The following TRAPPC9 variants were observed in gnomAD, a reference collection of about 807,000 sequenced individuals.
TRAPPC9 encodes trafficking protein particle complex subunit 9.
Under a neutral mutation model 124.0 loss-of-function variants are expected in TRAPPC9, and 83 were observed. The observed-to-expected ratio is 0.67, with a 90% CI of 0.56 to 0.80. The LOEUF (loss-of-function observed/expected upper bound fraction) is 0.80, where lower values mean the gene tolerates loss of function less well. Among genes scored for constraint, TRAPPC9 ranks in the 30% least tolerant of loss-of-function variants. The pLI is 0.00. For synonymous variants in TRAPPC9, 638 were observed against 617.5 expected, an observed-to-expected ratio of 1.03 and a Z score of -0.49; for missense variants, 1,302 against 1,508.3, an observed-to-expected ratio of 0.86 and a Z score of 2.27.
chr8:140,369,345 C>T lies in TRAPPC9; in HGVS notation c.1351+1619G>A, dbSNP rs542828351. Reference sequence around the variant, plus strand: ...CCGGGAAGCTGTCACATGTGAGAGGCACCTGTTTATTTCCACTGTAGAGGG... The same window carrying T: ...CCGGGAAGCTGTCACATGTGAGAGGTACCTGTTTATTTCCACTGTAGAGGG... On this transcript the variant is annotated intron_variant, in intron 8 of 22. Transcript: ENST00000438773. 3.3e-5 allele frequency among the ~76,000 whole-genome samples: 5 copies of T among 152,300 alleles called. No individual in the cohort carries two copies. The South Asian group carries it at 1.0e-3, about 32-fold the overall frequency.
chr8:140,291,113 T>C lies in TRAPPC9; in HGVS notation c.1769-35A>G, dbSNP rs372382025. 9.6e-5 allele frequency: 152 copies of C among 1,581,804 alleles called. 1 individual carries two copies. The highest frequency in any genetic ancestry group is 1.0e-4 in the Non-Finnish European group (120 of 1,150,568). ...ACACACACATAAATGAATCCATGTA[T>C]TAGTTGGTATTTTTTCACTTTCTAC... On this transcript the variant is annotated intron_variant, in intron 11 of 22. Transcript: ENST00000438773.
chr8:139,854,791 C>T (rs1449765301), intron 21 of TRAPPC9, among the ~76,000 whole-genome samples: 2 of 152,338 alleles, frequency 1.3e-5, no homozygotes, highest in East Asian at 3.9e-4. Flanking sequence ...TTGGCAGTGG[C>T]AGGTTCTCAA....
At chr8:140,367,803 G>A (rs373851675) in intron 8 of TRAPPC9, among the ~76,000 whole-genome samples, 3 of 152,190 alleles carry the variant, frequency 2.0e-5, no homozygotes, top group African/African-American at 7.2e-5. Context: ...GGTGTTAACA[G>A]TGGGGAAGTC....
chr8:140,229,091 C>T (rs1042692534), intron 16 of TRAPPC9, among the ~76,000 whole-genome samples: 2 of 151,870 alleles, frequency 1.3e-5, no homozygotes, highest in Non-Finnish European at 1.5e-5. Flanking sequence ...ACCACCAACA[C>T]GTTCTCACTA....
Position 139,758,323 on chromosome 8 carries a change from G to A in TRAPPC9, c.3056-26121C>T, listed in dbSNP as rs182470010. Reference sequence around the variant, plus strand: ...CTCACACTGAGCATGCCCACGTCGCGTGCTTTACATTTCTTACTTGGTGAT... The same window carrying A: ...CTCACACTGAGCATGCCCACGTCGCATGCTTTACATTTCTTACTTGGTGAT... On this transcript the variant is annotated intron_variant, in intron 21 of 22. Coordinates refer to ENST00000438773, the MANE Select transcript of TRAPPC9 (RefSeq NM_001160372.4). 1.5e-3 allele frequency among the ~76,000 whole-genome samples: 224 copies of A among 152,324 alleles called. 1 individual carries two copies. The highest frequency in any genetic ancestry group is 4.7e-3 in the African/African-American group (195 of 41,576).
intron 21 of TRAPPC9, among the ~76,000 whole-genome samples, chr8:139,819,177 T>C (rs1471323034): frequency 1.3e-5 from 2 of 152,206 alleles, no homozygotes; most frequent in Admixed American, 1.3e-4. Flanking sequence ...GCACATGTGA[T>C]GGATCTAGGC....
chr8:139,812,687 C>T (rs80354809), intron 21 of TRAPPC9, among the ~76,000 whole-genome samples: 4,803 of 152,120 alleles, frequency 0.032, 177 homozygotes, highest in East Asian at 0.12. Context: ...TATTTTTAAC[C>T]AGAGACTCCT....
intron 4 of TRAPPC9, among the ~76,000 whole-genome samples, chr8:140,431,238 C>A (rs994237328): frequency 4.6e-5 from 7 of 151,954 alleles, no homozygotes; most frequent in African/African-American, 1.7e-4. Flanking sequence ...AGGCGGATCA[C>A]CTGAGGTCAG....
At position 140,334,907 on chromosome 8, in the gene TRAPPC9, CAG is replaced by C. The variant is rs966597939; in HGVS notation, c.1496-23535_1496-23534del. Among the ~76,000 whole-genome samples the C allele has an allele frequency of 4.1e-4, 63 of 151,916 alleles. 1 individual carries two copies. Among genetic ancestry groups the C allele is most frequent in the African/African-American group, 1.3e-3 (55 of 41,408 alleles). On this transcript the variant is annotated intron_variant, in intron 9 of 22. Transcript: ENST00000438773. ...AAATTAATTTCTTAATAACAGGAAA[CAG>C]GGAAAGTACAAGAACAGAGCATGCT...
chr8:140,166,587 TC>T (rs1001285599), intron 17 of TRAPPC9, among the ~76,000 whole-genome samples: 1 of 152,148 alleles, frequency 6.6e-6, no homozygotes, highest in African/African-American at 2.4e-5. Context: ...GGAAATATTT[TC>T]CCCAGACATC....
At chr8:140,008,040 T>C (rs976955395) in intron 18 of TRAPPC9, among the ~76,000 whole-genome samples, 1 of 152,146 alleles carries the variant, frequency 6.6e-6, no homozygotes, top group Admixed American at 6.5e-5. Context: ...GTCAACCTGC[T>C]CCTGCCGTGT....
chr8:140,125,183 C>T (rs1020532362), intron 17 of TRAPPC9, among the ~76,000 whole-genome samples: 2 of 152,202 alleles, frequency 1.3e-5, no homozygotes, highest in East Asian at 1.9e-4. Context: ...AGAGGCCCAC[C>T]CAGAGCTCGG....
At chr8:139,818,000 T>C (rs963078789) in intron 21 of TRAPPC9, among the ~76,000 whole-genome samples, 21 of 152,220 alleles carry the variant, frequency 1.4e-4, no homozygotes, top group African/African-American at 4.8e-4. Context: ...TAAGCTACCG[T>C]GTGTACCAGT....
At chr8:140,418,771 T>TAGATAGATAGATAGATAGATAGAC (rs779953213) in intron 5 of TRAPPC9, among the ~76,000 whole-genome samples, 1 of 131,168 alleles carries the variant, frequency 7.6e-6, no homozygotes, top group East Asian at 2.8e-4. Flanking sequence ...GATAGATAGA[T>TAGATAGATAGATAGATAGATAGAC]AGACAGACAG....
chr8:140,173,753 T>A (rs73362978), intron 17 of TRAPPC9, among the ~76,000 whole-genome samples: 1,597 of 152,228 alleles, frequency 0.01, 27 homozygotes, highest in African/African-American at 0.036. Context: ...TAGCTATCCA[T>A]GCATTGGAAA....
At chr8:140,378,412 A>G (rs1289259030) in intron 7 of TRAPPC9, among the ~76,000 whole-genome samples, 7 of 152,302 alleles carry the variant, frequency 4.6e-5, no homozygotes, top group African/African-American at 1.7e-4. Context: ...CTAGCCTCCC[A>G]GCCTACATCT....
intron 16 of TRAPPC9, among the ~76,000 whole-genome samples, chr8:140,250,641 G>A (rs757775009): frequency 7.9e-5 from 12 of 152,070 alleles, no homozygotes; most frequent in Non-Finnish European, 1.3e-4. Context: ...GTGGTTCTTC[G>A]TGCCTACCTT....
At chr8:139,877,642 C>T (rs1453905653) in intron 21 of TRAPPC9, among the ~76,000 whole-genome samples, 3 of 152,152 alleles carry the variant, frequency 2.0e-5, no homozygotes, top group Admixed American at 6.5e-5. Flanking sequence ...TCTGGTGGTC[C>T]CCCACTGCCC....
intron 17 of TRAPPC9, among the ~76,000 whole-genome samples, chr8:140,051,127 C>T (rs1841971572): frequency 6.6e-6 from 1 of 152,244 alleles, no homozygotes; most frequent in Non-Finnish European, 1.5e-5. Context: ...CAGAGACCAC[C>T]AGATGTTAGC....
Sources: gnomAD v4.1 joint callset for allele counts (sites outside exome capture counted in the v4.1 genomes callset) on GRCh38, gnomAD v4.1.1 for gene constraint, MANE v1.5 for transcripts, NCBI Gene and HGNC (gene_info 2026-07-23, HGNC 2026-07-21) for gene names.